Variants in ROBO2 observed in about 807,000 individuals in gnomAD.
The protein encoded by ROBO2 is roundabout homolog 2.
Under a neutral mutation model 160.8 loss-of-function variants are expected in ROBO2, and 53 were observed. That is an observed-to-expected ratio of 0.33 (90% CI 0.26 to 0.41). The LOEUF is 0.41. Among genes scored for constraint, ROBO2 ranks in the 10% least tolerant of loss-of-function variants. The pLI is 1.00. For missense variants in ROBO2, 1,577 were observed against 1,722.4 expected (o/e 0.92, Z 1.49); for synonymous variants, 664 against 611.7 (o/e 1.09, Z -1.26).
exon 3 of ROBO2, chr3:77,477,460 A>C (rs758500144): frequency 3.1e-6 from 5 of 1,613,988 alleles, no homozygotes; most frequent in South Asian, 2.2e-5. Flanking sequence ...TTGTAGTGGC[A>C]GCTGGAGAGC....
intron 2 of ROBO2, among the ~76,000 whole-genome samples, chr3:77,321,751 C>T (rs532387050): frequency 4.6e-5 from 7 of 151,958 alleles, no homozygotes; most frequent in South Asian, 2.1e-4. Flanking sequence ...GCAGGAAATA[C>T]AAGGACAACT....
At chr3:77,415,771 C>T (rs1399029576) in intron 2 of ROBO2, among the ~76,000 whole-genome samples, 1 of 152,128 alleles carries the variant, frequency 6.6e-6, no homozygotes, top group East Asian at 1.9e-4. Flanking sequence ...CCACAGAGAC[C>T]TAGGGGTTTT....
At chr3:76,242,815 T>A (rs1224610930) in intron 2 of ROBO2, among the ~76,000 whole-genome samples, 1 of 151,734 alleles carries the variant, frequency 6.6e-6, no homozygotes, top group Non-Finnish European at 1.5e-5. Flanking sequence ...AGCCCGGGAG[T>A]TGAAGCCGCA....
intron 2 of ROBO2, among the ~76,000 whole-genome samples, chr3:75,960,292 A>C (rs1257964613): frequency 6.6e-6 from 1 of 151,840 alleles, no homozygotes; most frequent in Non-Finnish European, 1.5e-5. Flanking sequence ...TTAACATTTC[A>C]CAATGCTCAA....
intron 2 of ROBO2, among the ~76,000 whole-genome samples, chr3:77,161,632 T>C (rs1460091586): frequency 1.3e-5 from 2 of 152,326 alleles, no homozygotes; most frequent in East Asian, 3.9e-4. Flanking sequence ...GATATTTTAT[T>C]TTTTGCTTAT....
intron 2 of ROBO2, among the ~76,000 whole-genome samples, chr3:76,447,284 T>G (rs930871083): frequency 8.6e-5 from 13 of 151,988 alleles, no homozygotes; most frequent in African/African-American, 1.5e-4. Flanking sequence ...AAAAAACACA[T>G]GAAAAAATGC....
At chr3:76,905,679 T>TAAC (rs2075554096) in intron 2 of ROBO2, among the ~76,000 whole-genome samples, 1 of 152,182 alleles carries the variant, frequency 6.6e-6, no homozygotes, top group Non-Finnish European at 1.5e-5. Context: ...CTGAAAATTA[T>TAAC]AACTCATATG....
intron 2 of ROBO2, among the ~76,000 whole-genome samples, chr3:76,232,509 A>T (rs1239862226): frequency 6.6e-6 from 1 of 152,234 alleles, no homozygotes; most frequent in African/African-American, 2.4e-5. Flanking sequence ...TTTAAATATG[A>T]TTATTTGCAT....
intron 2 of ROBO2, among the ~76,000 whole-genome samples, chr3:76,113,647 CT>C (rs2070338699): frequency 6.6e-6 from 1 of 152,096 alleles, no homozygotes; most frequent in Admixed American, 6.6e-5. Context: ...CAAACTCATC[CT>C]ACCTATCTGT....
chr3:76,512,135 G>T (rs1418454260), intron 2 of ROBO2, among the ~76,000 whole-genome samples: 2 of 151,992 alleles, frequency 1.3e-5, no homozygotes, highest in African/African-American at 4.8e-5. Context: ...TAATGAGGCA[G>T]ATGACTCTGG....
At chr3:77,444,729 C>T (rs1218009855) in intron 2 of ROBO2, among the ~76,000 whole-genome samples, 1 of 151,926 alleles carries the variant, frequency 6.6e-6, no homozygotes, top group Non-Finnish European at 1.5e-5. Context: ...GCAGAAAATA[C>T]CGAAAAGAAC....
At chr3:76,034,580 G>A (rs1172202782) in intron 2 of ROBO2, among the ~76,000 whole-genome samples, 1 of 150,610 alleles carries the variant, frequency 6.6e-6, no homozygotes, top group Non-Finnish European at 1.5e-5. Flanking sequence ...GTGTTAGAAT[G>A]TTTTTGTGGG....
At chr3:75,906,852 G>T (rs1426061073) in exon 1 of ROBO2, 2 of 152,310 alleles carry the variant, frequency 1.3e-5, no homozygotes, top group Non-Finnish European at 2.9e-5. Context: ...AGGTCCGGGG[G>T]GAGCTGTTCC....
intron 2 of ROBO2, among the ~76,000 whole-genome samples, chr3:76,871,542 A>C (rs1166905897): frequency 9.6e-5 from 14 of 145,240 alleles, no homozygotes; most frequent in Non-Finnish European, 1.5e-4. Flanking sequence ...CGACAGAGCG[A>C]GACTCCGTCT....
At position 76,236,629 on chromosome 3, in the gene ROBO2, C is replaced by T. The variant is rs141304681; in HGVS notation, c.109+299027C>T. 3.5e-3 allele frequency among the ~76,000 whole-genome samples: 539 copies of T among 152,182 alleles called. 7 individuals are homozygous for T. Among genetic ancestry groups the T allele is most frequent in the Admixed American group, 0.025 (377 of 15,282 alleles). On this transcript the variant is annotated intron_variant, in intron 2 of 26. Coordinates refer to the ROBO2 transcript ENST00000487694. ...TCTGTAAATCTTACAAATGACAACA[C>T]TACAAGATACTGCAGTTTTTATTTG...
At chr3:77,153,799 A>C (rs2150549252) in intron 2 of ROBO2, among the ~76,000 whole-genome samples, 1 of 152,108 alleles carries the variant, frequency 6.6e-6, no homozygotes, top group African/African-American at 2.4e-5. Context: ...ATTCAATCCA[A>C]CCCTCCATCT....
chr3:75,929,355 C>A (rs1377282527), intron 1 of ROBO2, among the ~76,000 whole-genome samples: 1 of 152,126 alleles, frequency 6.6e-6, no homozygotes, highest in African/African-American at 2.4e-5. Flanking sequence ...TGTGTTAAAT[C>A]TTAATTTTTT....
intron 2 of ROBO2, among the ~76,000 whole-genome samples, chr3:76,200,549 A>G (rs1333488052): frequency 6.6e-6 from 1 of 152,144 alleles, no homozygotes; most frequent in Non-Finnish European, 1.5e-5. Context: ...CAGAAAAGCA[A>G]TAGATTAATA....
intron 17 of ROBO2, among the ~76,000 whole-genome samples, chr3:77,589,979 T>A (rs1307288953): frequency 1.3e-5 from 2 of 152,070 alleles, no homozygotes; most frequent in Non-Finnish European, 2.9e-5. Flanking sequence ...GACAGAGGCG[T>A]CATTGATTAT....
Sources: allele counts gnomAD v4.1 joint callset (sites outside exome capture counted in the v4.1 genomes callset), GRCh38; gene constraint gnomAD v4.1.1; transcripts MANE v1.5; gene names NCBI Gene and HGNC (gene_info 2026-07-23, HGNC 2026-07-21).